The following ADAM12 variants were observed in gnomAD, a reference collection of about 807,000 sequenced individuals.
ADAM12 encodes ADAM metallopeptidase domain 12.
ADAM12 carries 70 observed loss-of-function variants against 106.4 expected under a neutral mutation model. The observed-to-expected ratio is 0.66, with a 90% confidence interval of 0.54 to 0.80. The LOEUF is 0.80. Among genes scored for constraint, ADAM12 ranks in the 30% least tolerant of loss-of-function variants. The pLI is 0.00. For missense variants in ADAM12, 1,010 were observed against 1,171.9 expected, an observed-to-expected ratio of 0.86 and a Z score of 2.02; for synonymous variants, 420 against 433.5, an observed-to-expected ratio of 0.97 and a Z score of 0.39.
chr10:126,214,040 A>T (rs1231269871), intron 3 of ADAM12, among the ~76,000 whole-genome samples: 1 of 152,276 alleles, frequency 6.6e-6, no homozygotes, highest in Admixed American at 6.5e-5. Flanking sequence ...CACTTCAAAA[A>T]TATGGCTAAA....
At position 126,369,042 on chromosome 10, in the gene ADAM12, T is replaced by C. The variant is rs1856016150; in HGVS notation, c.88+19016A>G. Among the ~76,000 whole-genome samples, 7 of 152,336 alleles carry C rather than the reference T, an allele frequency of 4.6e-5. No homozygotes were observed. In the South Asian group the frequency reaches 1.4e-3, roughly 32 times the overall value. ...ACAGCATCATAGTATTTCCAAAAGA[T>C]GTTCCTTTAAGATGTTCCTTTCGTA... On this transcript the variant is annotated intron_variant, in intron 1 of 22. Coordinates refer to ENST00000448723, the MANE Select transcript of ADAM12 (RefSeq NM_001288973.2).
At chr10:126,073,447 T>C (rs948479578) in intron 11 of ADAM12, among the ~76,000 whole-genome samples, 3 of 152,142 alleles carry the variant, frequency 2.0e-5, no homozygotes, top group Non-Finnish European at 4.4e-5. Context: ...AGGTTTGTTA[T>C]GTAGGTAGAC....
intron 3 of ADAM12, among the ~76,000 whole-genome samples, chr10:126,217,369 CTT>C (rs1296671044): frequency 1.1e-4 from 16 of 143,248 alleles, no homozygotes; most frequent in Admixed American, 2.1e-4. Flanking sequence ...GCATTTGGAA[CTT>C]TTTTTTTTTT....
At chr10:126,249,283 C>G (rs1019522310) in intron 3 of ADAM12, among the ~76,000 whole-genome samples, 2 of 152,200 alleles carry the variant, frequency 1.3e-5, no homozygotes, top group African/African-American at 4.8e-5. Flanking sequence ...TGCAAACACT[C>G]TACTCTCCAC....
chr10:126,255,928 G>T (rs1450480847), intron 3 of ADAM12, among the ~76,000 whole-genome samples: 1 of 152,188 alleles, frequency 6.6e-6, no homozygotes, highest in African/African-American at 2.4e-5. Context: ...TCGGCATCAG[G>T]AACGGTGCAG....
At chr10:126,313,815 A>T (rs1331621362) in intron 2 of ADAM12, among the ~76,000 whole-genome samples, 1 of 152,206 alleles carries the variant, frequency 6.6e-6, no homozygotes, top group Non-Finnish European at 1.5e-5. Context: ...TGAAAGGCAG[A>T]CATTAAACGA....
At chr10:126,229,195 C>G (rs1203999355) in intron 3 of ADAM12, among the ~76,000 whole-genome samples, 2 of 152,074 alleles carry the variant, frequency 1.3e-5, no homozygotes, top group African/African-American at 4.8e-5. Context: ...GGAGAGGAAC[C>G]AGGAGGTGGG....
At chr10:126,190,990 C>A (rs4962512) in intron 3 of ADAM12, among the ~76,000 whole-genome samples, 1 of 67,968 alleles carries the variant, frequency 1.5e-5, no homozygotes. Context: ...GAGTTTTGTC[C>A]TTTTTTTTTT....
chr10:126,180,118 T>C (rs1283448819), intron 3 of ADAM12, among the ~76,000 whole-genome samples: 1 of 152,218 alleles, frequency 6.6e-6, no homozygotes, highest in East Asian at 1.9e-4. Context: ...ATGATGGCCA[T>C]GTCCCAGGCA....
At position 126,254,986 on chromosome 10, in the gene ADAM12, C is replaced by T. The variant is rs374883823; in HGVS notation, c.260+23929G>A. On this transcript the variant is annotated intron_variant, in intron 3 of 22. Coordinates refer to ENST00000448723, the MANE Select transcript of ADAM12 (RefSeq NM_001288973.2). ...GAAGTCTCATGTTCTGGCCATAGTTCGCCCCGGTCACCAGCCCCCGGTGGC... is the reference window on the plus strand; with the variant it reads ...GAAGTCTCATGTTCTGGCCATAGTTTGCCCCGGTCACCAGCCCCCGGTGGC... Among the ~76,000 whole-genome samples the T allele has an allele frequency of 7.2e-4, 110 of 152,320 alleles. 1 individual carries two copies. The highest frequency in any genetic ancestry group is 1.1e-3 in the Non-Finnish European group (76 of 68,038).
intron 1 of ADAM12, among the ~76,000 whole-genome samples, chr10:126,352,590 T>C (rs542536193): frequency 1.3e-5 from 2 of 152,398 alleles, no homozygotes; most frequent in African/African-American, 4.8e-5. Flanking sequence ...AGCGTTGCTA[T>C]GCATGTAATT....
At chr10:126,237,754 GGCCCAGGTTAAGCACT>G (rs1183704314) in intron 3 of ADAM12, among the ~76,000 whole-genome samples, 14 of 152,162 alleles carry the variant, frequency 9.2e-5, no homozygotes, top group African/African-American at 3.1e-4. Flanking sequence ...TGCATATGAT[GGCCCAGGTTAAGCACT>G]GCACAGCTTC....
chr10:126,072,502 T>A (rs753266313), intron 11 of ADAM12, among the ~76,000 whole-genome samples: 1 of 152,116 alleles, frequency 6.6e-6, no homozygotes, highest in Non-Finnish European at 1.5e-5. Context: ...CCAGCTGAGA[T>A]TAGAGTATCC....
intron 18 of ADAM12, among the ~76,000 whole-genome samples, chr10:126,040,281 A>G (rs1954137568): frequency 6.6e-6 from 1 of 152,156 alleles, no homozygotes; most frequent in South Asian, 2.1e-4. Flanking sequence ...GAGGACAGGG[A>G]TCTTGATTCA....
intron 8 of ADAM12, among the ~76,000 whole-genome samples, chr10:126,102,869 T>G (rs1219289834): frequency 6.6e-6 from 1 of 152,194 alleles, no homozygotes; most frequent in Non-Finnish European, 1.5e-5. Context: ...TTGGCTGCTG[T>G]CCACTGAGAG....
chr10:126,215,567 T>C (rs562542847), intron 3 of ADAM12, among the ~76,000 whole-genome samples: 2 of 152,112 alleles, frequency 1.3e-5, no homozygotes, highest in East Asian at 3.9e-4. Flanking sequence ...TAGGAAAACC[T>C]TTATATAAAA....
At chr10:126,319,692 GTA>G (rs1854029947) in intron 2 of ADAM12, among the ~76,000 whole-genome samples, 1 of 152,122 alleles carries the variant, frequency 6.6e-6, no homozygotes, top group Non-Finnish European at 1.5e-5. Flanking sequence ...TCAGAATAAG[GTA>G]CGGACATTAG....
chr10:126,017,123 G>A lies in ADAM12; in HGVS notation c.*156C>T. 1.5e-6 allele frequency: 1 copy of A among 646,156 alleles called. No homozygotes were observed. The allele number at this position is 646,156 out of a possible 1,614,324, so 40.0% of individuals were successfully genotyped here. On this transcript the variant is annotated 3_prime_UTR_variant, in exon 23 of 23. Coordinates refer to ENST00000448723, the MANE Select transcript of ADAM12 (RefSeq NM_001288973.2). ...CTGAGCAAGTAGACAGAGCACCATA[G>A]CACAGCACAGCACTGACGGCAGTAG...
intron 11 of ADAM12, among the ~76,000 whole-genome samples, chr10:126,076,772 T>C (rs1195306393): frequency 6.6e-6 from 1 of 152,250 alleles, no homozygotes; most frequent in East Asian, 1.9e-4. Flanking sequence ...GTCAGATGCA[T>C]AGTTTGTGAA....
Sources: allele counts gnomAD v4.1 joint callset (sites outside exome capture counted in the v4.1 genomes callset), GRCh38; gene constraint gnomAD v4.1.1; transcripts MANE v1.5; gene names NCBI Gene and HGNC (gene_info 2026-07-23, HGNC 2026-07-21).